MTMR6: variants seen among roughly 807,000 people sequenced by gnomAD.
MTMR6 encodes the protein phosphatidylinositol-3,5-bisphosphate 3-phosphatase MTMR6.
MTMR6 carries 47 observed loss-of-function variants against 80.1 expected under a neutral mutation model. The observed-to-expected ratio is 0.59, with a 90% CI of 0.46 to 0.75. MTMR6 has a LOEUF of 0.75. Among genes scored for constraint, MTMR6 ranks in the 30% least tolerant of loss-of-function variants. The pLI is 0.00. For missense variants in MTMR6, 629 were observed against 730.9 expected (o/e 0.86, Z 1.61); for synonymous variants, 254 against 253.0 (o/e 1.00, Z -0.04).
chr13:25,264,263 C>CA lies in MTMR6; in HGVS notation c.591+1555dup, dbSNP rs34636887. 3.1e-3 allele frequency among the ~76,000 whole-genome samples: 459 copies of CA among 147,424 alleles called. 5 individuals carry two copies. Among genetic ancestry groups the CA allele is most frequent in the African/African-American group, 0.011 (421 of 40,014 alleles). ...GGTTGAGGAAATCTTCCAGAAAATC[C>CA]AAAAAAAAAAATGAAAAATAAAGGA... is the stretch of plus-strand genomic sequence containing the variant. On this transcript the variant is annotated intron_variant, in intron 5 of 13. Coordinates refer to ENST00000381801, the MANE Select transcript of MTMR6 (RefSeq NM_004685.5).
At chr13:25,285,659 G>T (rs1273490714) in intron 1 of MTMR6, among the ~76,000 whole-genome samples, 1 of 151,914 alleles carries the variant, frequency 6.6e-6, no homozygotes, top group African/African-American at 2.4e-5. Flanking sequence ...CTCAGCCTCT[G>T]AGTAGCTGGG....
At chr13:25,250,995 T>C (rs1037640751) in intron 13 of MTMR6, among the ~76,000 whole-genome samples, 1 of 125,906 alleles carries the variant, frequency 7.9e-6, no homozygotes, top group Non-Finnish European at 1.7e-5. Context: ...TTCAAATAGA[T>C]CTATGTTTTA....
chr13:25,276,890 A>G (rs1449344363), intron 1 of MTMR6, among the ~76,000 whole-genome samples: 1 of 152,228 alleles, frequency 6.6e-6, no homozygotes, highest in Non-Finnish European at 1.5e-5. Flanking sequence ...TGTAGTATGT[A>G]CTAGTACTGT....
chr13:25,256,087 C>T (rs1957202321), intron 9 of MTMR6, among the ~76,000 whole-genome samples: 1 of 152,170 alleles, frequency 6.6e-6, no homozygotes, highest in Admixed American at 6.5e-5. Context: ...AAGCCCCATT[C>T]CAGCCTTCTC....
chr13:25,282,465 G>A (rs956311171), intron 1 of MTMR6, among the ~76,000 whole-genome samples: 1 of 152,134 alleles, frequency 6.6e-6, no homozygotes, highest in African/African-American at 2.4e-5. Flanking sequence ...GGCCCAAGGA[G>A]GAGGAAGCAG....
Position 25,274,959 on chromosome 13 carries a change from CAT to C in MTMR6, c.25-774_25-773del, listed in dbSNP as rs1271342979. ...AGACAGACACACACACACACACACA[CAT>C]ACACACACACACACACACACACACA... On this transcript the variant is annotated intron_variant, in intron 1 of 13. Transcript: ENST00000381801. Among the ~76,000 whole-genome samples the C allele has an allele frequency of 1.3e-3, 167 of 130,386 alleles. 3 individuals are homozygous for C. Among genetic ancestry groups the C allele is most frequent in the Middle Eastern group, 7.5e-3 (2 of 268 alleles). 85.5% of individuals were successfully genotyped at this position (130,386 alleles called of 152,430 possible).
chr13:25,252,235 T>C (rs1379804530), intron 11 of MTMR6, among the ~76,000 whole-genome samples: 1 of 152,182 alleles, frequency 6.6e-6, no homozygotes, highest in African/African-American at 2.4e-5. Context: ...AACCATATAT[T>C]TTAAGGGATT....
intron 10 of MTMR6, 88 bp downstream of exon 10, chr13:25,254,297 G>C (rs996539697): frequency 7.5e-6 from 7 of 933,762 alleles, no homozygotes; most frequent in Non-Finnish European, 1.0e-5. Flanking sequence ...CATCACGCAT[G>C]TGAGTTCATA....
At chr13:25,265,210 A>G (rs949446194) in intron 5 of MTMR6, among the ~76,000 whole-genome samples, 1 of 152,168 alleles carries the variant, frequency 6.6e-6, no homozygotes, top group African/African-American at 2.4e-5. Flanking sequence ...TCTTATCAAA[A>G]CTATCTGGTT....
In MTMR6 at chr13:25,254,434, C is replaced by A; in HGVS notation, c.1096G>T (p.Val366Phe). Residue 366 changes from valine to phenylalanine, a missense_variant and splice_region_variant, in exon 10 of 14, where the codon GTT (valine) becomes TTT (phenylalanine). Physicochemically the swap from Val to Phe is conservative, Grantham distance 50 (BLOSUM62 -1). Coordinates refer to ENST00000381801, the MANE Select transcript of MTMR6 (RefSeq NM_004685.5). ...GAGATCCAATCCTTTTCTATTAAAA[C>A]CTTAATGAGAAAAAGTAAAATTCAC... ...SYYRTIKGFMVLIEKDWISFG... is the reference protein window; with the variant it reads ...SYYRTIKGFMFLIEKDWISFG... 6.5e-7 allele frequency: 1 copy of A among 1,546,540 alleles called. No homozygotes were observed. Among genetic ancestry groups the A allele is most frequent in the Non-Finnish European group, 8.9e-7 (1 of 1,124,332 alleles).
At chr13:25,250,288 T>G (rs760269807) in intron 13 of MTMR6, among the ~76,000 whole-genome samples, 30 of 152,192 alleles carry the variant, frequency 2.0e-4, no homozygotes, top group Non-Finnish European at 4.1e-4. Flanking sequence ...GAGAGGGATT[T>G]GTTAAACAAG....
chr13:25,286,728 G>C (rs1019027686), intron 1 of MTMR6, among the ~76,000 whole-genome samples: 2 of 152,194 alleles, frequency 1.3e-5, no homozygotes, highest in Admixed American at 1.3e-4. Flanking sequence ...ACTGGAGACC[G>C]AGACAGCAAA....
chr13:25,274,445 A>G (rs1456478268), intron 1 of MTMR6, among the ~76,000 whole-genome samples: 1 of 152,230 alleles, frequency 6.6e-6, no homozygotes, highest in Non-Finnish European at 1.5e-5. Flanking sequence ...TATTGAGGGT[A>G]GCAAGAAACA....
intron 3 of MTMR6, among the ~76,000 whole-genome samples, chr13:25,267,311 A>G (rs1957480722): frequency 6.6e-6 from 1 of 151,868 alleles, no homozygotes; most frequent in Non-Finnish European, 1.5e-5. Context: ...ACTTCTACTA[A>G]AATAGAATTC....
rs17082068 is a variant in MTMR6 at position 25,267,795 on chromosome 13, T to C, written c.288A>G (p.Leu96=). Reference sequence around the variant, plus strand: ...GAACAATACCTTGTTTTGACAGTTGTAGCAAAGAGTTGTAAATATCATGGC... The same window carrying C: ...GAACAATACCTTGTTTTGACAGTTGCAGCAAAGAGTTGTAAATATCATGGC... ...RDCHDIYNSL[L]QLSKQAKYED... The change falls in exon 3 of 14, where the codon CTA becomes CTG. Residue 96 remains leucine, a synonymous_variant. Coordinates refer to ENST00000381801, the MANE Select transcript of MTMR6 (RefSeq NM_004685.5). 6.2e-7 allele frequency: 1 copy of C among 1,613,532 alleles called. No homozygotes were observed. The highest frequency in any genetic ancestry group is 8.5e-7 in the Non-Finnish European group (1 of 1,179,702).
intron 1 of MTMR6, among the ~76,000 whole-genome samples, chr13:25,280,220 A>G (rs59719038): frequency 0.024 from 3,608 of 152,352 alleles, 153 homozygotes; most frequent in African/African-American, 0.083. Context: ...TGTCTTTAAT[A>G]TAACAAACTG....
At chr13:25,271,350 T>A (rs974428670) in intron 2 of MTMR6, among the ~76,000 whole-genome samples, 1 of 152,162 alleles carries the variant, frequency 6.6e-6, no homozygotes, top group African/African-American at 2.4e-5. Context: ...AGTCAGGTAT[T>A]CATTTACTTA....
intron 2 of MTMR6, among the ~76,000 whole-genome samples, chr13:25,272,448 T>C (rs558075685): frequency 5.4e-5 from 8 of 149,472 alleles, no homozygotes; most frequent in African/African-American, 1.2e-4. Context: ...TGAATAATAC[T>C]TTTTTTTTTA....
chr13:25,265,746 A>AG, intron 5 of MTMR6, 73 bp downstream of exon 5: 2 of 1,457,750 alleles, frequency 1.4e-6, no homozygotes, highest in South Asian at 2.5e-5. Context: ...AAAAAAAAAA[A>AG]GTGTTATTTT....
Sources: gnomAD v4.1 joint callset for allele counts (sites outside exome capture counted in the v4.1 genomes callset) on GRCh38, gnomAD v4.1.1 for gene constraint, MANE v1.5 for transcripts, NCBI Gene and HGNC (gene_info 2026-07-23, HGNC 2026-07-21) for gene names.